RTEL1: variants seen among roughly 807,000 people sequenced by gnomAD.
RTEL1 encodes regulator of telomere length.
In RTEL1, 86 loss-of-function variants were observed where a neutral mutation model predicts 162.2. That is an observed-to-expected ratio of 0.53 (90% CI 0.45 to 0.63). RTEL1 has a LOEUF of 0.63. Among genes scored for constraint, RTEL1 ranks in the 30% least tolerant of loss-of-function variants. The pLI, the probability that RTEL1 is intolerant of heterozygous loss-of-function variation, is 0.00. For synonymous variants in RTEL1, 958 were observed against 717.9 expected (o/e 1.33, Z -5.35); for missense variants, 1,941 against 1,750.2 (o/e 1.11, Z -1.95).
chr20:63,666,136 G>A (rs2090122665), intron 7 of RTEL1, 57 bp downstream of exon 7: 9 of 1,332,786 alleles, frequency 6.8e-6, no homozygotes, highest in Middle Eastern at 1.8e-4. Context: ...GCTCTCCTGT[G>A]ACCTGTGGAG....
In RTEL1 at chr20:63,695,730, T is replaced by C. The variant is rs769831650; in HGVS notation, c.3823-48T>C. The C allele has an allele frequency of 2.5e-6, 4 of 1,599,296 alleles. No homozygotes were observed. The Admixed American group carries it at 5.1e-5, about 21-fold the overall frequency. ...AGGGGGAAAGGGCAGGCCCTTGTCCTGGTGGCAACGCCTGGCAGACGTGTG... is the reference window on the plus strand; with the variant it reads ...AGGGGGAAAGGGCAGGCCCTTGTCCCGGTGGCAACGCCTGGCAGACGTGTG... On this transcript the variant is annotated intron_variant, in intron 34 of 34. Coordinates refer to ENST00000360203, the MANE Select transcript of RTEL1 (RefSeq NM_001283009.2).
At chr20:63,691,967 C>T (rs1405447061) in intron 28 of RTEL1, 130 bp downstream of exon 28, 1 of 666,588 alleles carries the variant, frequency 1.5e-6, no homozygotes. Context: ...ATGTCCAGGG[C>T]AGCTGTGATG....
rs372284625 is a variant in RTEL1 at position 63,690,097 on chromosome 20, G to C, written c.2152G>C (p.Ala718Pro). The C allele has an allele frequency of 9.9e-6, 16 of 1,611,310 alleles. No individual in the cohort carries two copies. Among genetic ancestry groups the C allele is most frequent in the Non-Finnish European group, 1.3e-5 (15 of 1,179,716 alleles). The change falls in exon 25 of 35, where the codon GCC (alanine) becomes CCC (proline). Residue 718 changes from alanine to proline, a missense_variant. Coordinates refer to ENST00000360203, the MANE Select transcript of RTEL1 (RefSeq NM_001283009.2). ...ATGGCCACCCCCCAGGTTCGCCTTT[G>C]CCGACGCAAGAGCCCAACTGCCCTC... ...VFLCDHRFAF[A>P]DARAQLPSWV... is the part of the protein sequence containing the mutation.
At position 63,661,155 on chromosome 20, in the gene RTEL1, T is replaced by A. The variant is rs2090012358; in HGVS notation, c.103-143T>A. 1 of 710,138 alleles carries A rather than the reference T, an allele frequency of 1.4e-6. No homozygotes were observed. Among genetic ancestry groups the A allele is most frequent in the Non-Finnish European group, 2.3e-6 (1 of 430,530 alleles). 44.0% of individuals were successfully genotyped at this position (710,138 alleles called of 1,614,324 possible). A position where few individuals can be genotyped will look rare whatever the true frequency, so the allele number is the denominator to read the frequency against. ...GACTTGCCTGTGGACTTCTCCGCGG[T>A]CCCACAGGGCTCTCGCCACCTGGCA... On this transcript the variant is annotated intron_variant, in intron 2 of 34. Transcript: ENST00000360203. This position sits in a 1 kb window ranked among gnomAD's most constrained non-coding sequence, Gnocchi z 5.1.
intron 7 of RTEL1, among the ~76,000 whole-genome samples, chr20:63,666,680 C>T (rs915172473): frequency 6.6e-6 from 1 of 151,844 alleles, no homozygotes; most frequent in Non-Finnish European, 1.5e-5. Flanking sequence ...GGACTGCAGG[C>T]ACACACCACC....
rs2089994086 is a variant in RTEL1 at position 63,660,345 on chromosome 20, C to T, written c.102+841C>T. On this transcript the variant is annotated intron_variant, in intron 2 of 34. Coordinates refer to ENST00000360203, the MANE Select transcript of RTEL1 (RefSeq NM_001283009.2). ...CTATCACATGGAGAGAAACCTTGGGCAATACCCGGCTTTCCAGGGCAGAGG... is the reference window on the plus strand; with the variant it reads ...CTATCACATGGAGAGAAACCTTGGGTAATACCCGGCTTTCCAGGGCAGAGG... 2.6e-5 allele frequency among the ~76,000 whole-genome samples: 4 copies of T among 152,238 alleles called. No homozygotes were observed. The South Asian group carries it at 8.3e-4, about 32-fold the overall frequency.
intron 34 of RTEL1, 46 bp downstream of exon 34, chr20:63,695,696 G>A (rs1201934327): frequency 1.9e-6 from 3 of 1,608,480 alleles, no homozygotes; most frequent in Non-Finnish European, 2.5e-6. Context: ...AGCCCCAGGT[G>A]ATGGGCTGAG....
chr20:63,664,071 C>T (rs2090074456), intron 6 of RTEL1, among the ~76,000 whole-genome samples: 1 of 152,308 alleles, frequency 6.6e-6, no homozygotes, highest in South Asian at 2.1e-4. Flanking sequence ...ACCAAGGACC[C>T]TCAGTCATCT....
At chr20:63,658,056 A>G (rs1294613035), upstream of RTEL1, 1 of 152,336 alleles carries the variant, frequency 6.6e-6, no homozygotes, top group East Asian at 1.9e-4. Context: ...CTCTCCGGGC[A>G]ATGGTGGTGG....
At chr20:63,693,639 A>T (rs868225772) in intron 30 of RTEL1, among the ~76,000 whole-genome samples, 350 of 11,874 alleles carry the variant, frequency 0.029, no homozygotes, top group Non-Finnish European at 0.037. Flanking sequence ...CTCCACCACC[A>T]CCACCTCCAC....
At chr20:63,680,791 G>T (rs775846598) in intron 14 of RTEL1, 72 bp downstream of exon 14, 20 of 1,595,338 alleles carry the variant, frequency 1.3e-5, no homozygotes, top group Non-Finnish European at 1.6e-5. Context: ...TGCTGTATTA[G>T]TTAACTGATT....
At chr20:63,664,699 C>T (rs2090090175) in intron 6 of RTEL1, among the ~76,000 whole-genome samples, 2 of 152,224 alleles carry the variant, frequency 1.3e-5, no homozygotes, top group African/African-American at 4.8e-5. Context: ...GAGGGGGTGT[C>T]TGCAGCACCT....
chr20:63,695,528 C>A lies in RTEL1; in HGVS notation c.3700C>A (p.Pro1234Thr). ...DIAGQQATGA[P>T]GGPLSAGCVC... ...CGCTGGGCAGCAGGCCACGGGAGCT[C>A]CGGGCGGGCCCCTCTCAGCAGGCTG... The change falls in exon 34 of 35, where the codon CCG (proline) becomes ACG (threonine). Residue 1234 changes from proline to threonine, a missense_variant. Transcript: ENST00000360203. The A allele has an allele frequency of 6.2e-7, 1 of 1,612,278 alleles. No individual in the cohort carries two copies. Among genetic ancestry groups the A allele is most frequent in the Non-Finnish European group, 8.5e-7 (1 of 1,179,818 alleles).
chr20:63,662,355 G>C (rs781388573), intron 4 of RTEL1, 191 bp from the exon 5 acceptor site: 1 of 1,151,674 alleles, frequency 8.7e-7, no homozygotes, highest in South Asian at 1.3e-5. Flanking sequence ...GGAAGCTGTC[G>C]AATCTCCTCC....
At chr20:63,687,324 G>T in intron 16 of RTEL1, 1 of 309,358 alleles carries the variant, frequency 3.2e-6, no homozygotes, top group Non-Finnish European at 6.0e-6. Flanking sequence ...TTCTTGCCCT[G>T]AGCCGCATGT....
Position 63,668,163 on chromosome 20 carries a change from T to C in RTEL1, c.699+610T>C, listed in dbSNP as rs957147304. 1.3e-5 allele frequency among the ~76,000 whole-genome samples: 2 copies of C among 151,230 alleles called. No homozygotes were observed. The highest frequency in any genetic ancestry group is 2.4e-5 in the African/African-American group (1 of 41,100). On this transcript the variant is annotated intron_variant, in intron 8 of 34. Coordinates refer to ENST00000360203, the MANE Select transcript of RTEL1 (RefSeq NM_001283009.2). This position sits in a 1 kb window ranked among gnomAD's most constrained non-coding sequence, Gnocchi z 4.3. ...CCACACTCAACTCCCCTCCTCCCAG[T>C]GTGTGCCCGGCCCTGCTGCCCTCCT... is the stretch of plus-strand genomic sequence containing the variant.
intron 6 of RTEL1, among the ~76,000 whole-genome samples, chr20:63,664,321 G>C (rs1601091780): frequency 6.6e-6 from 1 of 152,242 alleles, no homozygotes; most frequent in Non-Finnish European, 1.5e-5. Context: ...CATGCAGCGG[G>C]GGTCCTTGGG....
rs770593035 is a variant in RTEL1, at chr20:63,687,819, T to C, written c.1481+49T>C. The C allele has an allele frequency of 6.4e-6, 10 of 1,554,074 alleles. No individual in the cohort carries two copies. In the Admixed American group the frequency reaches 1.9e-4, roughly 30 times the overall value. On this transcript the variant is annotated intron_variant, in intron 17 of 34. Coordinates refer to ENST00000360203, the MANE Select transcript of RTEL1 (RefSeq NM_001283009.2). ...CTGAGCACCGGTGACACCTCTGACATCAGCGGGGTGGAAGTGGTGGGGGTC... is the reference window on the plus strand; with the variant it reads ...CTGAGCACCGGTGACACCTCTGACACCAGCGGGGTGGAAGTGGTGGGGGTC...
chr20:63,688,383 GC>G lies in RTEL1; in HGVS notation c.1720del (p.Arg574GlyfsTer12). 1 of 1,612,640 alleles carries G rather than the reference GC, an allele frequency of 6.2e-7. No individual in the cohort carries two copies. The highest frequency in any genetic ancestry group is 8.5e-7 in the Non-Finnish European group (1 of 1,179,954). On this transcript the variant is annotated frameshift_variant and splice_region_variant, in exon 20 of 35. Transcript: ENST00000360203. LOFTEE classifies it high-confidence loss of function. ...PVMEKSLEFW[R>X]ARDLARKMEA... ...TCATGGAGAAGAGCCTGGAGTTCTG[GC>G]GGGTGCGTCTCCCCTGTGTTCTGGG...
Sources: gnomAD v4.1 joint callset for allele counts (sites outside exome capture counted in the v4.1 genomes callset) on GRCh38, gnomAD v4.1.1 for gene constraint, Gnocchi (gnomAD v3.1) non-coding constraint, MANE v1.5 for transcripts, NCBI Gene and HGNC (gene_info 2026-07-23, HGNC 2026-07-21) for gene names.